The following LRPAP1 variants were observed in gnomAD, a reference collection of about 807,000 sequenced individuals.
The protein encoded by LRPAP1 is LDL receptor related protein associated protein 1.
A neutral mutation model predicts 39.9 loss-of-function variants in LRPAP1; 41 were observed. The ratio of observed to expected loss-of-function variants is 1.03; its 90% confidence interval spans 0.80 to 1.33. The LOEUF (loss-of-function observed/expected upper bound fraction) is 1.33. Among genes scored for constraint, LRPAP1 ranks in the 40% most tolerant of loss-of-function variants. The probability of loss-of-function intolerance (pLI) is 0.00; values close to 1 mark genes in which losing one functional copy is unlikely to be tolerated. For missense variants in LRPAP1, 565 were observed against 482.3 expected (o/e 1.17, Z -1.61); for synonymous variants, 263 against 212.7 (o/e 1.24, Z -2.06).
At chr4:3,520,751 C>T (rs1560257391) in intron 2 of LRPAP1, among the ~76,000 whole-genome samples, 2 of 152,236 alleles carry the variant, frequency 1.3e-5, no homozygotes, top group Non-Finnish European at 2.9e-5. Flanking sequence ...TCAGTGTCAG[C>T]AGCTTCTAAC....
At chr4:3,515,305 G>C (rs913542690) in intron 6 of LRPAP1, among the ~76,000 whole-genome samples, 1 of 152,160 alleles carries the variant, frequency 6.6e-6, no homozygotes, top group Non-Finnish European at 1.5e-5. Flanking sequence ...CTGCAGCTCT[G>C]TCCCTGCTCC....
rs1162063931 is a variant in LRPAP1 at position 3,505,461 on chromosome 4, C to A, written c.*7513G>T. Among the ~76,000 whole-genome samples the A allele has an allele frequency of 2.0e-5, 3 of 152,222 alleles. No individual in the cohort carries two copies. Among genetic ancestry groups the A allele is most frequent in the East Asian group, 1.9e-4 (1 of 5,190 alleles). ...CTTCCTTGTCAAGCATGACTCCGAG[C>A]GGCACTTCTTCCACACCGCGCAGCT... On this transcript the variant is annotated 3_prime_UTR_variant, in exon 8 of 8. Transcript: ENST00000650182.
Position 3,518,965 on chromosome 4 carries a change from G to T in LRPAP1, c.498C>A (p.Gly166=), listed in dbSNP as rs143257814. Residue 166 remains glycine (G), a synonymous_variant, in exon 4 of 8, where the codon GGC becomes GGA. Coordinates refer to ENST00000650182, the MANE Select transcript of LRPAP1 (RefSeq NM_002337.4). ...HKAKTSGKFS[G]EELDKLWREF... is the part of the protein sequence containing the mutation. ...CCCGCCAGAGCTTGTCCAGTTCTTCGCCGGAGAATTTCCCAGAGGTCTTCG... is the reference window on the plus strand; with the variant it reads ...CCCGCCAGAGCTTGTCCAGTTCTTCTCCGGAGAATTTCCCAGAGGTCTTCG... 5.0e-6 allele frequency: 8 copies of T among 1,613,986 alleles called. No individual in the cohort carries two copies. Among genetic ancestry groups the T allele is most frequent in the Non-Finnish European group, 5.9e-6 (7 of 1,179,952 alleles).
Position 3,532,349 on chromosome 4 carries a change from A to AGAGCAG in LRPAP1, c.58_63dup (p.Leu20_Leu21dup). The AGAGCAG allele has an allele frequency of 1.3e-6, 2 of 1,594,472 alleles. No homozygotes were observed. Among genetic ancestry groups the AGAGCAG allele is most frequent in the Non-Finnish European group, 1.7e-6 (2 of 1,170,890 alleles). On this transcript the variant is annotated inframe_insertion, in exon 1 of 8. Transcript: ENST00000650182. ...CTCGCAGCGGGCCAGGGCCCGAGGA[A>AGAGCAG]GAGCAGCAGCAGTAGCAGCGCCGGG...
chr4:3,520,258 T>A, intron 2 of LRPAP1, 65 bp from the exon 3 acceptor site: 2 of 1,566,140 alleles, frequency 1.3e-6, no homozygotes, highest in South Asian at 1.1e-5. Context: ...AGCCAACACA[T>A]CTGGGTTGCC....
intron 1 of LRPAP1, among the ~76,000 whole-genome samples, chr4:3,526,208 C>T (rs1227948459): frequency 2.0e-5 from 3 of 152,136 alleles, no homozygotes; most frequent in African/African-American, 4.8e-5. Flanking sequence ...CCAAATCTCT[C>T]GGCTCTCAGG....
rs1372080621 is a variant in LRPAP1, at chr4:3,524,538, A to T, written c.349+369T>A. Among the ~76,000 whole-genome samples the T allele has an allele frequency of 2.0e-5, 3 of 152,328 alleles. No individual in the cohort carries two copies. In the East Asian group the frequency reaches 5.8e-4, roughly 29 times the overall value. ...GTGACAGCAAACTGAGACCACGGCC[A>T]AGGGCGCATCTGTGCTCGGAGGATA... On this transcript the variant is annotated intron_variant, in intron 2 of 7. Transcript: ENST00000650182.
chr4:3,525,894 G>A (rs1271385927), intron 1 of LRPAP1, among the ~76,000 whole-genome samples: 3 of 152,248 alleles, frequency 2.0e-5, no homozygotes, highest in African/African-American at 7.2e-5. Context: ...GAGGCAAGCA[G>A]CAGAATGAAA....
intron 4 of LRPAP1, 43 bp downstream of exon 4, chr4:3,518,828 G>C: frequency 7.6e-7 from 1 of 1,321,934 alleles, no homozygotes; most frequent in Non-Finnish European, 1.0e-6. Flanking sequence ...GGGGGCAGGA[G>C]GGGGTGGGGC....
rs1223925145 is a variant in LRPAP1 at position 3,509,145 on chromosome 4, C to A, written c.*3829G>T. ...ATGCCAGACACATGCACAGAAAACT[C>A]CAGTTCATTGTTGGGAGAAGTTGAA... On this transcript the variant is annotated 3_prime_UTR_variant, in exon 8 of 8. Transcript: ENST00000650182. 1.3e-5 allele frequency: 2 copies of A among 152,324 alleles called. No homozygotes were observed. The highest frequency in any genetic ancestry group is 1.3e-4 in the Admixed American group (2 of 15,284). The allele number at this position is 152,324 out of a possible 1,614,324, so 9.4% of individuals were successfully genotyped here.
At chr4:3,522,580 C>G (rs74426426) in intron 2 of LRPAP1, among the ~76,000 whole-genome samples, 781 of 44,188 alleles carry the variant, frequency 0.018, no homozygotes, top group East Asian at 0.14. Flanking sequence ...ACACTCCCTG[C>G]CTGGGGAAGT....
chr4:3,514,016 G>A (rs1478858510), intron 7 of LRPAP1, among the ~76,000 whole-genome samples: 2 of 152,216 alleles, frequency 1.3e-5, no homozygotes, highest in South Asian at 2.1e-4. Flanking sequence ...CTAGGTGCAC[G>A]CTAGCATTCC....
chr4:3,520,248 A>C (rs1036961425), intron 2 of LRPAP1, 55 bp from the exon 3 acceptor site: 61 of 1,586,186 alleles, frequency 3.8e-5, no homozygotes, highest in Middle Eastern at 3.6e-4. Context: ...AACAGTCAAA[A>C]GCCAACACAT....
chr4:3,511,734 T>G lies in LRPAP1; in HGVS notation c.*1240A>C, dbSNP rs1428531041. ...CCAGGTTCAAACACGGGAACCACGCTCGGAGCTGGACCCGGACCCGAGCCT... is the reference window on the plus strand; with the variant it reads ...CCAGGTTCAAACACGGGAACCACGCGCGGAGCTGGACCCGGACCCGAGCCT... On this transcript the variant is annotated 3_prime_UTR_variant, in exon 8 of 8. Transcript: ENST00000650182. The G allele has an allele frequency of 6.9e-6, 1 of 145,528 alleles. No homozygotes were observed. Among genetic ancestry groups the G allele is most frequent in the African/African-American group, 2.6e-5 (1 of 38,726 alleles). The allele number at this position is 145,528 out of a possible 1,614,324, so 9.0% of individuals were successfully genotyped here.
rs1043451025 is a variant in LRPAP1, at chr4:3,522,124, C to T, written c.350-1931G>A. ...CAGTGCCAGGCCTGCCTGTGAAGGC[C>T]GTCCTGCCCAGACCCCCAAGTCCAG... On this transcript the variant is annotated intron_variant, in intron 2 of 7. Transcript: ENST00000650182. 2.6e-5 allele frequency among the ~76,000 whole-genome samples: 4 copies of T among 152,368 alleles called. No individual in the cohort carries two copies. In the East Asian group the frequency reaches 7.7e-4, roughly 29 times the overall value.
At chr4:3,527,414 A>G (rs1730109907) in intron 1 of LRPAP1, among the ~76,000 whole-genome samples, 2 of 152,096 alleles carry the variant, frequency 1.3e-5, no homozygotes. Context: ...CAGGAGGGGC[A>G]GTCGGTGCCT....
Position 3,512,104 on chromosome 4 carries a change from G to A in LRPAP1, c.*870C>T, listed in dbSNP as rs925398883. On this transcript the variant is annotated 3_prime_UTR_variant, in exon 8 of 8. Transcript: ENST00000650182. ...GGCTCAGACACGGGAAGGGAACCACGCCTGGAGCCAGACCCGAGCCTCTTC... is the reference window on the plus strand; with the variant it reads ...GGCTCAGACACGGGAAGGGAACCACACCTGGAGCCAGACCCGAGCCTCTTC... 2 of 150,642 alleles carry A rather than the reference G, an allele frequency of 1.3e-5. No individual in the cohort carries two copies. Among genetic ancestry groups the A allele is most frequent in the African/African-American group, 2.4e-5 (1 of 40,836 alleles). The allele number at this position is 150,642 out of a possible 1,614,324, so 9.3% of individuals were successfully genotyped here. A position where few individuals can be genotyped will look rare whatever the true frequency, so the allele number is the denominator to read the frequency against.
intron 1 of LRPAP1, among the ~76,000 whole-genome samples, chr4:3,527,533 C>T (rs985955500): frequency 1.9e-4 from 29 of 152,232 alleles, no homozygotes; most frequent in Non-Finnish European, 2.6e-4. Flanking sequence ...ACCCTGTAGG[C>T]GCCTTACTTA....
In LRPAP1 at chr4:3,505,548, G is replaced by A. The variant is rs1391854390; in HGVS notation, c.*7426C>T. On this transcript the variant is annotated 3_prime_UTR_variant, in exon 8 of 8. Coordinates refer to ENST00000650182, the MANE Select transcript of LRPAP1 (RefSeq NM_002337.4). ...TCCCCTGCATCCCCAACCACACCTG[G>A]CACAACACCATGGCTGAGGTGCGCT... Among the ~76,000 whole-genome samples, 2 of 152,164 alleles carry A rather than the reference G, an allele frequency of 1.3e-5. No individual in the cohort carries two copies. The highest frequency in any genetic ancestry group is 4.8e-5 in the African/African-American group (2 of 41,440).
Sources: allele counts gnomAD v4.1 joint callset (sites outside exome capture counted in the v4.1 genomes callset), GRCh38; gene constraint gnomAD v4.1.1; transcripts MANE v1.5; gene names NCBI Gene and HGNC (gene_info 2026-07-23, HGNC 2026-07-21).